The following DOCK3 variants were observed in gnomAD, a reference collection of about 807,000 sequenced individuals.
DOCK3 encodes dedicator of cytokinesis 3, also known as dedicator of cytokinesis protein 3.
In DOCK3, 60 loss-of-function variants were observed where a neutral mutation model predicts 265.6. That is an observed-to-expected ratio of 0.23 (90% CI 0.18 to 0.28). The LOEUF is 0.28. Ranked by LOEUF, DOCK3 falls within the 10% of genes least tolerant of loss-of-function variation. The pLI, the probability that DOCK3 is intolerant of heterozygous loss-of-function variation, is 1.00. For missense variants in DOCK3, 1,981 were observed against 2,594.3 expected (o/e 0.76, Z 5.14); for synonymous variants, 881 against 938.0 (o/e 0.94, Z 1.11).
At chr3:51,137,041 TA>T (rs74912724) in intron 9 of DOCK3, among the ~76,000 whole-genome samples, 12,081 of 148,490 alleles carry the variant, frequency 0.081, 1,086 homozygotes, top group East Asian at 0.32. Flanking sequence ...ATAAATTAAT[TA>T]AAAAAAAAAC....
intron 9 of DOCK3, among the ~76,000 whole-genome samples, chr3:51,134,223 T>A (rs756680710): frequency 2.0e-5 from 3 of 152,182 alleles, no homozygotes; most frequent in Non-Finnish European, 4.4e-5. Context: ...CTATTGTGAA[T>A]AGTGCTGCAA....
chr3:51,292,372 C>CA lies in DOCK3; in HGVS notation c.2922+12176dup, dbSNP rs931262473. Among the ~76,000 whole-genome samples, 25 of 151,756 alleles carry CA rather than the reference C, an allele frequency of 1.6e-4. No individual in the cohort carries two copies. In the East Asian group the frequency reaches 2.1e-3, roughly 13 times the overall value. On this transcript the variant is annotated intron_variant, in intron 27 of 52. Coordinates refer to ENST00000266037, the MANE Select transcript of DOCK3 (RefSeq NM_004947.5). ...TATATAGAAAATTTCAAAGACTCTA[C>CA]AAAAAAAACCTGTTAGAACTGAAAA...
At chr3:51,325,134 C>A (rs991301717) in intron 32 of DOCK3, among the ~76,000 whole-genome samples, 3 of 151,940 alleles carry the variant, frequency 2.0e-5, no homozygotes, top group African/African-American at 7.3e-5. Context: ...AACAGACAAC[C>A]TACAGAATAG....
At chr3:50,886,441 G>C (rs1052275281) in intron 3 of DOCK3, among the ~76,000 whole-genome samples, 3 of 151,158 alleles carry the variant, frequency 2.0e-5, no homozygotes, top group African/African-American at 7.3e-5. Flanking sequence ...AAGTTTTAGG[G>C]TACATGTGCA....
At chr3:50,910,570 AC>A (rs1350526591) in intron 4 of DOCK3, among the ~76,000 whole-genome samples, 2 of 151,994 alleles carry the variant, frequency 1.3e-5, no homozygotes, top group Non-Finnish European at 2.9e-5. Context: ...GCTAGCCACC[AC>A]TCAGGTGCCT....
intron 1 of DOCK3, among the ~76,000 whole-genome samples, chr3:50,697,290 G>C (rs959681758): frequency 3.9e-5 from 6 of 151,954 alleles, no homozygotes; most frequent in Admixed American, 6.6e-5. Context: ...GAAATGAAGA[G>C]TTTAAAGGAA....
intron 2 of DOCK3, among the ~76,000 whole-genome samples, chr3:50,802,001 A>G (rs981796869): frequency 2.0e-5 from 3 of 152,182 alleles, no homozygotes; most frequent in East Asian, 3.8e-4. Context: ...GTCCAATATA[A>G]GTATAGCTAT....
chr3:50,981,748 A>G (rs1174375213), intron 5 of DOCK3, among the ~76,000 whole-genome samples: 1 of 152,186 alleles, frequency 6.6e-6, no homozygotes. Context: ...TTTGTTTGAT[A>G]TAATGTAAGT....
At chr3:50,940,181 G>A (rs1575579193) in intron 5 of DOCK3, among the ~76,000 whole-genome samples, 1 of 151,274 alleles carries the variant, frequency 6.6e-6, no homozygotes, top group African/African-American at 2.4e-5. Context: ...ATGAGGCCAG[G>A]CACAGTGTCT....
At chr3:50,676,142 G>A (rs1333612246) in intron 1 of DOCK3, among the ~76,000 whole-genome samples, 1 of 152,142 alleles carries the variant, frequency 6.6e-6, no homozygotes, top group Non-Finnish European at 1.5e-5. Context: ...GAGTGTACAG[G>A]TTTTGTTTTT....
At chr3:51,245,627 G>A (rs749775449) in intron 21 of DOCK3, among the ~76,000 whole-genome samples, 5 of 151,720 alleles carry the variant, frequency 3.3e-5, no homozygotes, top group African/African-American at 4.8e-5. Flanking sequence ...TCCTGACCTC[G>A]TGATCCACCC....
At chr3:50,878,887 G>A (rs2047865997) in intron 3 of DOCK3, among the ~76,000 whole-genome samples, 1 of 152,146 alleles carries the variant, frequency 6.6e-6, no homozygotes. Flanking sequence ...AGAAAAGTCG[G>A]GTTACCCACA....
intron 6 of DOCK3, among the ~76,000 whole-genome samples, chr3:51,073,656 A>G (rs2081962070): frequency 6.6e-6 from 1 of 152,174 alleles, no homozygotes; most frequent in Non-Finnish European, 1.5e-5. Context: ...GGTTATTTTT[A>G]GCATTTGGTT....
chr3:51,022,786 T>A (rs9284887), intron 5 of DOCK3, among the ~76,000 whole-genome samples: 1 of 152,092 alleles, frequency 6.6e-6, no homozygotes, highest in Non-Finnish European at 1.5e-5. Flanking sequence ...TATTTTCTAG[T>A]TTTTCTTCTA....
At chr3:51,018,167 CA>C in intron 5 of DOCK3, among the ~76,000 whole-genome samples, 1 of 151,890 alleles carries the variant, frequency 6.6e-6, no homozygotes, top group Non-Finnish European at 1.5e-5. Flanking sequence ...GTTGGGATTA[CA>C]GGTGTGAGCC....
intron 1 of DOCK3, among the ~76,000 whole-genome samples, chr3:50,714,877 C>A (rs2037002420): frequency 6.6e-6 from 1 of 152,234 alleles, no homozygotes; most frequent in Non-Finnish European, 1.5e-5. Flanking sequence ...CCTTTTCACC[C>A]ATTTTTGCCT....
chr3:50,802,394 T>G (rs1237138664), intron 2 of DOCK3, among the ~76,000 whole-genome samples: 2 of 152,198 alleles, frequency 1.3e-5, no homozygotes, highest in African/African-American at 4.8e-5. Flanking sequence ...CGATGGTGGT[T>G]ATCATCTTTT....
chr3:51,336,012 G>T (rs1396891066), intron 35 of DOCK3, among the ~76,000 whole-genome samples: 1 of 148,316 alleles, frequency 6.7e-6, no homozygotes, highest in Non-Finnish European at 1.5e-5. Context: ...AAAAAGAAAA[G>T]AAAAGAAAAA....
intron 6 of DOCK3, among the ~76,000 whole-genome samples, chr3:51,070,326 T>A (rs983320268): frequency 1.3e-5 from 2 of 152,228 alleles, no homozygotes; most frequent in Non-Finnish European, 2.9e-5. Flanking sequence ...TATTACTTAT[T>A]ATAACTTTCA....
Sources: allele counts gnomAD v4.1 joint callset (sites outside exome capture counted in the v4.1 genomes callset), GRCh38; gene constraint gnomAD v4.1.1; transcripts MANE v1.5; gene names NCBI Gene and HGNC (gene_info 2026-07-23, HGNC 2026-07-21).